Variants in RNF150 observed in about 807,000 individuals in gnomAD.
The protein encoded by RNF150 is ring finger protein 150.
Under a neutral mutation model 39.3 loss-of-function variants are expected in RNF150, and 24 were observed. The observed-to-expected ratio is 0.61, with a 90% confidence interval of 0.44 to 0.86. The LOEUF (loss-of-function observed/expected upper bound fraction) is 0.86, where lower values mean the gene tolerates loss of function less well. RNF150 is among the 40% of genes least tolerant of loss of function. The probability of loss-of-function intolerance (pLI) is 0.00; values close to 1 mark genes in which losing one functional copy is unlikely to be tolerated. For synonymous variants in RNF150, 255 were observed against 227.3 expected (o/e 1.12, Z -1.10); for missense variants, 502 against 587.8 (o/e 0.85, Z 1.51).
At chr4:140,914,856 G>A (rs773707154) in intron 5 of RNF150, among the ~76,000 whole-genome samples, 1 of 152,128 alleles carries the variant, frequency 6.6e-6, no homozygotes, top group African/African-American at 2.4e-5. Flanking sequence ...TCATTGTAGA[G>A]AAATCACTTA....
intron 6 of RNF150, among the ~76,000 whole-genome samples, chr4:140,880,040 A>G (rs1215649205): frequency 1.3e-5 from 2 of 152,008 alleles, no homozygotes; most frequent in African/African-American, 4.8e-5. Flanking sequence ...ACTGTGTTTA[A>G]TAGAAGTGGT....
intron 1 of RNF150, among the ~76,000 whole-genome samples, chr4:141,094,020 C>A (rs1310526931): frequency 1.3e-5 from 2 of 151,962 alleles, no homozygotes; most frequent in Non-Finnish European, 2.9e-5. Flanking sequence ...TGGACAGGCT[C>A]AACAGATGAT....
At chr4:141,127,394 A>G (rs1560751661) in intron 1 of RNF150, among the ~76,000 whole-genome samples, 2 of 152,258 alleles carry the variant, frequency 1.3e-5, no homozygotes, top group African/African-American at 4.8e-5. Flanking sequence ...GAAAATGTAC[A>G]GCAAAAGTAC....
chr4:141,044,775 ACACACACG>A (rs1021690286), intron 1 of RNF150, among the ~76,000 whole-genome samples: 3 of 146,314 alleles, frequency 2.1e-5, no homozygotes. Flanking sequence ...TGCAGCGCAC[ACACACACG>A]CACACACACA....
At chr4:141,047,606 A>G (rs1360794689) in intron 1 of RNF150, among the ~76,000 whole-genome samples, 1 of 152,156 alleles carries the variant, frequency 6.6e-6, no homozygotes, top group East Asian at 1.9e-4. Context: ...AAACACAAAA[A>G]TCCTATTAAG....
chr4:141,101,622 T>C (rs551208367), intron 1 of RNF150, among the ~76,000 whole-genome samples: 2 of 152,248 alleles, frequency 1.3e-5, no homozygotes, highest in Admixed American at 6.5e-5. Context: ...TTATGTACTG[T>C]ACATAATTGT....
At chr4:140,941,038 A>G (rs1214207171) in intron 4 of RNF150, among the ~76,000 whole-genome samples, 1 of 152,220 alleles carries the variant, frequency 6.6e-6, no homozygotes, top group Non-Finnish European at 1.5e-5. Context: ...GGAAGATTCA[A>G]GTATCCAAAA....
At chr4:141,052,803 G>A (rs1736827394) in intron 1 of RNF150, among the ~76,000 whole-genome samples, 1 of 152,142 alleles carries the variant, frequency 6.6e-6, no homozygotes, top group Non-Finnish European at 1.5e-5. Flanking sequence ...CATATTGTTG[G>A]CAGATTTCTC....
At chr4:141,184,248 C>T (rs1727962828) in intron 1 of RNF150, among the ~76,000 whole-genome samples, 1 of 152,218 alleles carries the variant, frequency 6.6e-6, no homozygotes, top group African/African-American at 2.4e-5. Flanking sequence ...TTGCATTTCT[C>T]TAATGACCAG....
intron 1 of RNF150, among the ~76,000 whole-genome samples, chr4:141,009,106 G>A (rs555576478): frequency 3.9e-5 from 6 of 152,188 alleles, no homozygotes; most frequent in East Asian, 1.9e-4. Context: ...AGCAGATAAC[G>A]TCAAATGTTA....
chr4:140,971,915 C>G (rs755318847), intron 1 of RNF150, among the ~76,000 whole-genome samples: 1 of 152,090 alleles, frequency 6.6e-6, no homozygotes, highest in Non-Finnish European at 1.5e-5. Flanking sequence ...GTGACAGCAT[C>G]TCTCCCTGGG....
At chr4:140,973,903 G>T (rs1020620224) in intron 1 of RNF150, among the ~76,000 whole-genome samples, 1 of 147,818 alleles carries the variant, frequency 6.8e-6, no homozygotes, top group Non-Finnish European at 1.5e-5. Flanking sequence ...AAAAAGAAGA[G>T]GTAAAAACAG....
chr4:140,907,627 G>GA (rs1308071960), intron 6 of RNF150, among the ~76,000 whole-genome samples: 2 of 152,300 alleles, frequency 1.3e-5, no homozygotes, highest in Non-Finnish European at 2.9e-5. Flanking sequence ...AAGAGATTTA[G>GA]AAAAATGGAA....
intron 4 of RNF150, among the ~76,000 whole-genome samples, chr4:140,939,862 C>T (rs755912280): frequency 3.3e-5 from 5 of 152,174 alleles, no homozygotes; most frequent in East Asian, 1.9e-4. Flanking sequence ...CTACTCCAAA[C>T]GTTGAGTCAT....
chr4:140,889,812 C>T (rs115767536), intron 6 of RNF150, among the ~76,000 whole-genome samples: 2,082 of 152,192 alleles, frequency 0.014, 54 homozygotes, highest in African/African-American at 0.045. Context: ...ATAATTGAAT[C>T]CTGACATTAT....
At chr4:141,121,010 T>C (rs961203329) in intron 1 of RNF150, among the ~76,000 whole-genome samples, 4 of 152,076 alleles carry the variant, frequency 2.6e-5, no homozygotes, top group African/African-American at 9.7e-5. Flanking sequence ...GTGACAACAA[T>C]GGTGATAAGA....
At chr4:141,000,085 A>G (rs1299818467) in intron 1 of RNF150, among the ~76,000 whole-genome samples, 2 of 66,010 alleles carry the variant, frequency 3.0e-5, no homozygotes, top group Non-Finnish European at 6.4e-5. Flanking sequence ...AAGAAGAAGA[A>G]GGAGAAGAAG....
intron 4 of RNF150, among the ~76,000 whole-genome samples, chr4:140,940,754 G>T (rs2321686): frequency 0.61 from 92,969 of 152,042 alleles, 28,780 homozygotes; most frequent in Non-Finnish European, 0.64. Flanking sequence ...AGAAAGTTCA[G>T]GAATAACCTA....
intron 1 of RNF150, among the ~76,000 whole-genome samples, chr4:141,141,766 C>A (rs1727121169): frequency 6.6e-6 from 1 of 152,056 alleles, no homozygotes. Flanking sequence ...TGTGGTGAGT[C>A]AATCGAGCCA....
Sources: allele counts gnomAD v4.1 joint callset (sites outside exome capture counted in the v4.1 genomes callset), GRCh38; gene constraint gnomAD v4.1.1; transcripts MANE v1.5; gene names NCBI Gene and HGNC (gene_info 2026-07-23, HGNC 2026-07-21).